Variants in MAP3K7CL observed in about 807,000 individuals in gnomAD.
The protein encoded by MAP3K7CL is MAP3K7 C-terminal like.
In MAP3K7CL, 16 loss-of-function variants were observed where a neutral mutation model predicts 18.6. The observed-to-expected ratio is 0.86, with a 90% CI of 0.58 to 1.31. MAP3K7CL has a LOEUF of 1.31. MAP3K7CL is among the 50% of genes most tolerant of loss of function. The pLI is 0.00. For synonymous variants in MAP3K7CL, 65 were observed against 66.8 expected, an observed-to-expected ratio of 0.97 and a Z score of 0.13; for missense variants, 163 against 174.4, an observed-to-expected ratio of 0.93 and a Z score of 0.37.
chr21:29,092,237 G>A, intron 3 of MAP3K7CL: 1 of 561,414 alleles, frequency 1.8e-6, no homozygotes, highest in Non-Finnish European at 3.1e-6. Flanking sequence ...ATCCAGGACT[G>A]GAATCCAGGA....
chr21:29,133,910 G>C (rs1197208276), intron 2 of MAP3K7CL, among the ~76,000 whole-genome samples: 1 of 152,204 alleles, frequency 6.6e-6, no homozygotes, highest in East Asian at 1.9e-4. Flanking sequence ...GACAGGTGAG[G>C]AGGAGCCTCT....
chr21:29,132,549 G>A (rs553155552), intron 1 of MAP3K7CL, among the ~76,000 whole-genome samples: 57 of 151,886 alleles, frequency 3.8e-4, no homozygotes, highest in African/African-American at 1.3e-3. Context: ...TCACTCTGTC[G>A]CCCAGGCTGG....
intron 4 of MAP3K7CL, among the ~76,000 whole-genome samples, chr21:29,171,533 C>T (rs1413185218): frequency 1.3e-5 from 2 of 152,042 alleles, no homozygotes; most frequent in Admixed American, 6.6e-5. Context: ...AGAGAACTCC[C>T]AACCGGGCGT....
intron 1 of MAP3K7CL, among the ~76,000 whole-genome samples, chr21:29,132,956 A>G (rs1355061727): frequency 6.6e-6 from 1 of 152,172 alleles, no homozygotes; most frequent in Middle Eastern, 3.2e-3. Flanking sequence ...ATCTCTTTTT[A>G]TCCTCCTCAG....
chr21:29,138,238 T>C (rs917080109), intron 2 of MAP3K7CL, among the ~76,000 whole-genome samples: 5 of 152,252 alleles, frequency 3.3e-5, no homozygotes, highest in African/African-American at 1.2e-4. Context: ...CTTTTTAAAG[T>C]AAACTTAGCT....
intron 2 of MAP3K7CL, among the ~76,000 whole-genome samples, chr21:29,134,880 T>C (rs2146634351): frequency 6.6e-6 from 1 of 152,138 alleles, no homozygotes; most frequent in East Asian, 1.9e-4. Context: ...AAACCCTGTC[T>C]CTACTAAAAA....
intron 2 of MAP3K7CL, among the ~76,000 whole-genome samples, chr21:29,148,698 G>T (rs1447785846): frequency 6.6e-6 from 1 of 152,176 alleles, no homozygotes; most frequent in African/African-American, 2.4e-5. Context: ...TGAGTTTCTG[G>T]TTAACTGCCT....
At chr21:29,139,363 CACCATTGT>C (rs984541445) in intron 2 of MAP3K7CL, 1 of 152,184 alleles carries the variant, frequency 6.6e-6, no homozygotes, top group Non-Finnish European at 1.5e-5. Context: ...TAGTTGTAAA[CACCATTGT>C]ACTCGGACCA....
At chr21:29,148,090 T>C in intron 2 of MAP3K7CL, among the ~76,000 whole-genome samples, 1 of 152,166 alleles carries the variant, frequency 6.6e-6, no homozygotes, top group Middle Eastern at 3.4e-3. Context: ...ATATCTCTAT[T>C]ATATATGTAT....
At chr21:29,113,343 T>G (rs1486088249) in intron 4 of MAP3K7CL, among the ~76,000 whole-genome samples, 44 of 152,332 alleles carry the variant, frequency 2.9e-4, no homozygotes. Context: ...TCATGCAATA[T>G]TAGTTGGGAA....
chr21:29,151,696 T>C (rs1270276504), intron 3 of MAP3K7CL, among the ~76,000 whole-genome samples: 2 of 152,220 alleles, frequency 1.3e-5, no homozygotes, highest in Non-Finnish European at 2.9e-5. Flanking sequence ...TTATGGATCA[T>C]TAATTCTACT....
intron 4 of MAP3K7CL, among the ~76,000 whole-genome samples, chr21:29,163,830 G>A (rs1299108946): frequency 1.3e-5 from 2 of 151,638 alleles, no homozygotes; most frequent in African/African-American, 4.8e-5. Context: ...TGAATAGCTG[G>A]GACGACAGGT....
intron 4 of MAP3K7CL, among the ~76,000 whole-genome samples, chr21:29,160,807 C>T (rs2087528850): frequency 6.6e-6 from 1 of 152,160 alleles, no homozygotes; most frequent in Non-Finnish European, 1.5e-5. Context: ...TGGTAAGTGC[C>T]ATAAAAGCAC....
At position 29,101,523 on chromosome 21, in the gene MAP3K7CL, C is replaced by G. The variant is rs2086229955; in HGVS notation, c.370+8942C>G. On this transcript the variant is annotated intron_variant, in intron 4 of 6. Transcript: ENST00000286791. ...CTCCCGGATTCAGCCATTCTCCTGCCTCGGCCTCCTGAGTAGTTGGGACTA... is the reference window on the plus strand; with the variant it reads ...CTCCCGGATTCAGCCATTCTCCTGCGTCGGCCTCCTGAGTAGTTGGGACTA... Among the ~76,000 whole-genome samples, 3 of 152,330 alleles carry G rather than the reference C, an allele frequency of 2.0e-5. No individual in the cohort carries two copies. The South Asian group carries it at 6.2e-4, about 32-fold the overall frequency.
chr21:29,086,389 T>C (rs1159172468), intron 1 of MAP3K7CL, among the ~76,000 whole-genome samples: 1 of 152,178 alleles, frequency 6.6e-6, no homozygotes, highest in Non-Finnish European at 1.5e-5. Flanking sequence ...AAGTGTTTGC[T>C]GCCCACCAGC....
At chr21:29,087,760 AT>A (rs1203310690) in intron 1 of MAP3K7CL, among the ~76,000 whole-genome samples, 3 of 151,666 alleles carry the variant, frequency 2.0e-5, no homozygotes, top group Admixed American at 6.6e-5. Context: ...CGACCGGCTA[AT>A]TTTTTGTATT....
At chr21:29,078,473 A>T (rs1215084729) in intron 1 of MAP3K7CL, among the ~76,000 whole-genome samples, 2 of 152,204 alleles carry the variant, frequency 1.3e-5, no homozygotes, top group East Asian at 3.8e-4. Context: ...GTCTCGCTGG[A>T]CTACAGAGAA....
intron 1 of MAP3K7CL, 141 bp from the exon 2 acceptor site, chr21:29,133,165 G>T (rs1440724398): frequency 1.9e-6 from 1 of 525,130 alleles, no homozygotes; most frequent in African/African-American, 1.9e-5. Flanking sequence ...CATAGAAAAA[G>T]CTCAAAACTA....
At chr21:29,084,911 A>G (rs1029790641), upstream of MAP3K7CL, among the ~76,000 whole-genome samples, 7 of 152,254 alleles carry the variant, frequency 4.6e-5, no homozygotes, top group African/African-American at 1.7e-4. Context: ...AGGAAATGCA[A>G]GTGAGAAACA....
Sources: allele counts gnomAD v4.1 joint callset (sites outside exome capture counted in the v4.1 genomes callset), GRCh38; gene constraint gnomAD v4.1.1; transcripts MANE v1.5; gene names NCBI Gene and HGNC (gene_info 2026-07-23, HGNC 2026-07-21).